The following NCL variants were observed in gnomAD, a reference collection of about 807,000 sequenced individuals.
NCL encodes nucleolin multifunctional protein.
In NCL, 4 loss-of-function variants were observed where a neutral mutation model predicts 77.7. The observed-to-expected ratio is 0.05, with a 90% CI of 0.03 to 0.12. The LOEUF is 0.12. Ranked by LOEUF, NCL falls within the 10% of genes least tolerant of loss-of-function variation. The probability of loss-of-function intolerance (pLI) is 1.00; values close to 1 mark genes in which losing one functional copy is unlikely to be tolerated. For synonymous variants in NCL, 344 were observed against 297.8 expected, an observed-to-expected ratio of 1.16 and a Z score of -1.60; for missense variants, 763 against 860.9, an observed-to-expected ratio of 0.89 and a Z score of 1.42.
At chr2:231,456,189 G>A (rs1380598836) in intron 11 of NCL, 53 bp from the exon 12 acceptor site, 1 of 1,606,956 alleles carries the variant, frequency 6.2e-7, no homozygotes, top group African/African-American at 1.3e-5. Flanking sequence ...TCGTAACACT[G>A]AATTTGCACA....
Position 231,460,307 on chromosome 2 carries a change from G to T in NCL, c.899-14C>A. The T allele has an allele frequency of 5.0e-6, 8 of 1,613,842 alleles. No homozygotes were observed. The highest frequency in any genetic ancestry group is 1.3e-5 in the African/African-American group (1 of 75,016). On this transcript the variant is annotated splice_polypyrimidine_tract_variant and intron_variant, in intron 5 of 13. Coordinates refer to ENST00000322723, the MANE Select transcript of NCL (RefSeq NM_005381.3). ...TCGGTTCTGTGCCTGCACAAAAAAAGCTCAACTCAGTCTACTTGTAGTGTG... is the reference window on the plus strand; with the variant it reads ...TCGGTTCTGTGCCTGCACAAAAAAATCTCAACTCAGTCTACTTGTAGTGTG...
rs751860806 is a variant in NCL, at chr2:231,460,820, T to G, written c.660A>C (p.Lys220Asn). The G allele has an allele frequency of 3.1e-6, 5 of 1,614,074 alleles. No individual in the cohort carries two copies. In the African/African-American group the frequency reaches 5.3e-5, roughly 17 times the overall value. ...CTTTCACAGGAACAACTTTTGCAGC[T>G]TTCTTTCCTTTGGCTGGTGTAGTCT... ...AMETTPAKGK[K>N]AAKVVPVKAK... Residue 220 changes from lysine to asparagine, a missense_variant, in exon 4 of 14, where the codon AAA becomes AAC. Physicochemically the swap from Lys to Asn is moderately conservative, Grantham distance 94. Around this residue, in one of 2 missense-constraint regions of NCL, gnomAD observed 590 missense variants for 570.5 expected, o/e 1.03. Coordinates refer to ENST00000322723, the MANE Select transcript of NCL (RefSeq NM_005381.3).
In NCL at chr2:231,456,108, G is replaced by A. The variant is rs142532822; in HGVS notation, c.1734C>T (p.Gly578=). ...SQPSKTLFVK[G]LSEDTTEETL... ...TCTCTTCAGTGGTATCCTCAGACAGGCCTTTGACAAACAGAGTTTTGGATG... is the reference window on the plus strand; with the variant it reads ...TCTCTTCAGTGGTATCCTCAGACAGACCTTTGACAAACAGAGTTTTGGATG... The change falls in exon 12 of 14, where the codon GGC becomes GGT. Residue 578 remains glycine, a synonymous_variant. Coordinates refer to ENST00000322723, the MANE Select transcript of NCL (RefSeq NM_005381.3). The A allele has an allele frequency of 5.0e-4, 800 of 1,613,646 alleles. No homozygotes were observed. The highest frequency in any genetic ancestry group is 6.6e-4 in the Non-Finnish European group (775 of 1,179,996).
chr2:231,463,753 T>TA (rs1342146804), intron 1 of NCL: 1 of 164,592 alleles, frequency 6.1e-6, no homozygotes, highest in African/African-American at 2.4e-5. Flanking sequence ...CCCCGCCCCT[T>TA]AAAGAGGCGG....
At position 231,454,991 on chromosome 2, in the gene NCL, T is replaced by G. The variant is rs1224116665; in HGVS notation, c.*200A>C. Reference sequence around the variant, plus strand: ...AAGGGTTAGCTCTATCACTCAACTCTTTAAAAAGTTTATATGAATATCCAG... The same window carrying G: ...AAGGGTTAGCTCTATCACTCAACTCGTTAAAAAGTTTATATGAATATCCAG... On this transcript the variant is annotated 3_prime_UTR_variant, in exon 14 of 14. Coordinates refer to ENST00000322723, the MANE Select transcript of NCL (RefSeq NM_005381.3). 1.8e-6 allele frequency: 1 copy of G among 567,032 alleles called. No homozygotes were observed. Among genetic ancestry groups the G allele is most frequent in the East Asian group, 2.8e-5 (1 of 35,436 alleles). The allele number at this position is 567,032 out of a possible 1,614,324, so 35.1% of individuals were successfully genotyped here.
rs1056242436 is a variant in NCL, at chr2:231,459,907, T to C, written c.1040+245A>G. 8.6e-5 allele frequency among the ~76,000 whole-genome samples: 13 copies of C among 151,954 alleles called. No individual in the cohort carries two copies. The South Asian group carries it at 1.3e-3, about 15-fold the overall frequency. ...GAGCAAAAGCCAGCGTCCGTCTCAA[T>C]ACATAACAAAAACAACAAAAAAACT... On this transcript the variant is annotated intron_variant, in intron 6 of 13. Transcript: ENST00000322723.
chr2:231,458,974 T>A, intron 7 of NCL, 27 bp downstream of exon 7: 1 of 1,529,458 alleles, frequency 6.5e-7, no homozygotes, highest in Non-Finnish European at 8.8e-7. Flanking sequence ...CTGAGTTCAT[T>A]GCATAATCTC....
chr2:231,458,193 A>C (rs1329281845), intron 8 of NCL, 73 bp downstream of exon 8: 2 of 1,562,114 alleles, frequency 1.3e-6, no homozygotes, highest in African/African-American at 2.7e-5. Context: ...AAATCAAACC[A>C]ATATTTCTTT....
At chr2:231,457,360 G>T in intron 9 of NCL, 1 of 770,840 alleles carries the variant, frequency 1.3e-6, no homozygotes. Context: ...AGAATCATCT[G>T]AGTTCAAAAC....
In NCL at chr2:231,464,425, G is replaced by T. The variant is rs1256492020; in HGVS notation, c.-72C>A. The T allele has an allele frequency of 1.3e-6, 2 of 1,555,910 alleles. No homozygotes were observed. Among genetic ancestry groups the T allele is most frequent in the Non-Finnish European group, 1.7e-6 (2 of 1,146,348 alleles). On this transcript the variant is annotated 5_prime_UTR_variant, in exon 1 of 14. Coordinates refer to ENST00000322723, the MANE Select transcript of NCL (RefSeq NM_005381.3). Reference sequence around the variant, plus strand: ...AAGAAGCCAAGCGACGGCGATGGCGGCCGCGGGTGCTGAAGATCCCGGAGC... The same window carrying T: ...AAGAAGCCAAGCGACGGCGATGGCGTCCGCGGGTGCTGAAGATCCCGGAGC...
At chr2:231,464,059 C>T (rs1284791220) in intron 1 of NCL, 8 of 1,260,966 alleles carry the variant, frequency 6.3e-6, no homozygotes, top group Non-Finnish European at 7.1e-6. Flanking sequence ...AAAGTTTGGT[C>T]TCATCTCTCC....
At position 231,453,691 on chromosome 2, in the gene NCL, TG is replaced by T. The variant is rs1276196407; in HGVS notation, c.*1499del. 6.5e-6 allele frequency: 1 copy of T among 153,218 alleles called. No homozygotes were observed. The highest frequency in any genetic ancestry group is 6.5e-5 in the Admixed American group (1 of 15,460). 9.5% of individuals were successfully genotyped at this position (153,218 alleles called of 1,614,324 possible). On this transcript the variant is annotated 3_prime_UTR_variant, in exon 14 of 14. Coordinates refer to ENST00000322723, the MANE Select transcript of NCL (RefSeq NM_005381.3). ...CTTCCTCTCTAGAGCATGAGGGTCT[TG>T]GAACTGGATTGTCACCACCCCCATC...
At chr2:231,464,009 A>C in intron 1 of NCL, 2 of 766,916 alleles carry the variant, frequency 2.6e-6, no homozygotes, top group Non-Finnish European at 3.4e-6. Context: ...GCTCCCGGGC[A>C]CGTGCGTCAG....
Position 231,460,207 on chromosome 2 carries a change from C to T in NCL, c.985G>A (p.Asp329Asn), listed in dbSNP as rs1002724853. 7 of 1,613,864 alleles carry T rather than the reference C, an allele frequency of 4.3e-6. No individual in the cohort carries two copies. In the East Asian group the frequency reaches 6.7e-5, roughly 15 times the overall value. ...GCAAGATCATTTTTAGCAAAAACAT[C>T]GCTGATACCAGTTTTTAATTCAGGA... ...SAPELKTGIS[D>N]VFAKNDLAVV... The change falls in exon 6 of 14, where the codon GAT becomes AAT. Residue 329 changes from aspartate (D) to asparagine (N), a missense_variant. Physicochemically the swap from Asp to Asn is conservative, Grantham distance 23 (BLOSUM62 1). Around this residue, in one of 2 missense-constraint regions of NCL, gnomAD observed 590 missense variants for 570.5 expected, o/e 1.03. Coordinates refer to ENST00000322723, the MANE Select transcript of NCL (RefSeq NM_005381.3).
chr2:231,456,560 T>C, intron 11 of NCL, 71 bp downstream of exon 11: 1 of 1,602,670 alleles, frequency 6.2e-7, no homozygotes, highest in Non-Finnish European at 8.5e-7. Flanking sequence ...AAACACAGAA[T>C]TTGTGCAAAA....
chr2:231,463,898 G>C (rs1299915333), intron 1 of NCL: 2 of 178,640 alleles, frequency 1.1e-5, no homozygotes, highest in Non-Finnish European at 2.3e-5. Flanking sequence ...GAGCGCAGCC[G>C]GGACTCCGAC....
intron 2 of NCL, 107 bp downstream of exon 2, chr2:231,463,093 G>A: frequency 2.5e-6 from 2 of 802,738 alleles, no homozygotes; most frequent in South Asian, 1.7e-5. Flanking sequence ...ACTACAATAA[G>A]ACATACCTGA....
intron 12 of NCL, 29 bp downstream of exon 12, chr2:231,455,981 G>A (rs774633476): frequency 6.8e-6 from 11 of 1,614,134 alleles, no homozygotes; most frequent in Non-Finnish European, 9.3e-6. Context: ...CCTTCAAGTG[G>A]AAGCAGCACT....
chr2:231,456,379 G>T, intron 11 of NCL: 2 of 895,388 alleles, frequency 2.2e-6, no homozygotes, highest in Non-Finnish European at 3.6e-6. Context: ...AGCAACCCAA[G>T]CAGGTGGGGC....
Sources: allele counts gnomAD v4.1 joint callset (sites outside exome capture counted in the v4.1 genomes callset), GRCh38; gene constraint gnomAD v4.1.1; regional missense constraint gnomAD v4.1.1; transcripts MANE v1.5; gene names NCBI Gene and HGNC (gene_info 2026-07-23, HGNC 2026-07-21).